Variants in AGGF1 observed in about 807,000 individuals in gnomAD.
The protein encoded by AGGF1 is angiogenic factor with G-patch and FHA domains 1.
A neutral mutation model predicts 86.5 loss-of-function variants in AGGF1; 56 were observed. The ratio of observed to expected loss-of-function variants is 0.65; its 90% confidence interval spans 0.52 to 0.81. The LOEUF is 0.81. Among genes scored for constraint, AGGF1 ranks in the 30% least tolerant of loss-of-function variants. The pLI, the probability that AGGF1 is intolerant of heterozygous loss-of-function variation, is 0.00. For missense variants in AGGF1, 816 were observed against 850.9 expected, an observed-to-expected ratio of 0.96 and a Z score of 0.51; for synonymous variants, 313 against 297.1, an observed-to-expected ratio of 1.05 and a Z score of -0.55.
intron 5 of AGGF1, among the ~76,000 whole-genome samples, chr5:77,046,111 A>G (rs1747242409): frequency 6.6e-6 from 1 of 152,214 alleles, no homozygotes; most frequent in African/African-American, 2.4e-5. Flanking sequence ...AATTTTATAT[A>G]TGGTTAAGGG....
At chr5:77,043,784 T>G (rs200352208) in intron 5 of AGGF1, among the ~76,000 whole-genome samples, 41,560 of 89,118 alleles carry the variant, frequency 0.47, 9,213 homozygotes, top group Admixed American at 0.5. Flanking sequence ...CTTCTCAGAG[T>G]GGGCAGCTGC....
chr5:77,051,153 G>T (rs1233634844), intron 8 of AGGF1, among the ~76,000 whole-genome samples: 1 of 152,178 alleles, frequency 6.6e-6, no homozygotes, highest in African/African-American at 2.4e-5. Context: ...AGTTTGGGGG[G>T]TTGGGCGCGG....
intron 9 of AGGF1, among the ~76,000 whole-genome samples, 195 bp from the exon 10 acceptor site, chr5:77,053,770 C>T (rs1027048908): frequency 6.6e-6 from 1 of 152,082 alleles, no homozygotes; most frequent in African/African-American, 2.4e-5. Flanking sequence ...CTATCTTCAT[C>T]TCCAATAGTA....
intron 8 of AGGF1, among the ~76,000 whole-genome samples, chr5:77,049,262 A>G (rs1747327753): frequency 1.3e-5 from 2 of 152,224 alleles, no homozygotes. Context: ...ATGAATATTT[A>G]TTGAGTGAAA....
chr5:77,037,837 CTAAAATATAATGGA>C (rs1746992903), intron 4 of AGGF1, among the ~76,000 whole-genome samples: 1 of 152,140 alleles, frequency 6.6e-6, no homozygotes, highest in African/African-American at 2.4e-5. Flanking sequence ...AATATGGGAT[CTAAAATATAATGGA>C]CCACTGACTA....
In AGGF1 at chr5:77,046,758, T is replaced by C. The variant is rs550538283; in HGVS notation, c.1201+81T>C. 2.3e-6 allele frequency: 3 copies of C among 1,287,016 alleles called. No individual in the cohort carries two copies. The African/African-American group carries it at 4.4e-5, about 19-fold the overall frequency. 79.7% of individuals were successfully genotyped at this position (1,287,016 alleles called of 1,614,324 possible). Reference sequence around the variant, plus strand: ...CAAAACCATTAAAAATGTTAGTGAGTTGTAGTATATCTGCCAGAAAGTAAA... The same window carrying C: ...CAAAACCATTAAAAATGTTAGTGAGCTGTAGTATATCTGCCAGAAAGTAAA... On this transcript the variant is annotated intron_variant, in intron 6 of 13. Coordinates refer to ENST00000312916, the MANE Select transcript of AGGF1 (RefSeq NM_018046.5).
At chr5:77,036,325 C>T (rs958811824) in intron 3 of AGGF1, among the ~76,000 whole-genome samples, 1 of 152,080 alleles carries the variant, frequency 6.6e-6, no homozygotes, top group African/African-American at 2.4e-5. Context: ...CATTTATTCT[C>T]GAATAATTGT....
chr5:77,045,402 C>T (rs1747227548), intron 5 of AGGF1, among the ~76,000 whole-genome samples: 2 of 152,074 alleles, frequency 1.3e-5, no homozygotes, highest in African/African-American at 4.8e-5. Flanking sequence ...ACATTGTGTA[C>T]GTATTTCAAA....
chr5:77,052,827 T>C lies in AGGF1; in HGVS notation c.1467+20T>C, dbSNP rs745772956. ...CTTCAGGTGAGTGTATATGTGTTAATTTGTTACCTGCACATTATTTTTAAA... is the reference window on the plus strand; with the variant it reads ...CTTCAGGTGAGTGTATATGTGTTAACTTGTTACCTGCACATTATTTTTAAA... On this transcript the variant is annotated intron_variant, in intron 9 of 13. Transcript: ENST00000312916. The C allele has an allele frequency of 1.3e-6, 2 of 1,540,094 alleles. No homozygotes were observed. Among genetic ancestry groups the C allele is most frequent in the East Asian group, 2.3e-5 (1 of 44,422 alleles).
chr5:77,033,767 T>TGTATTGACTGAGGCAGC (rs1746913813), intron 1 of AGGF1, among the ~76,000 whole-genome samples: 1 of 152,210 alleles, frequency 6.6e-6, no homozygotes, highest in Non-Finnish European at 1.5e-5. Context: ...CAGGCTGAGG[T>TGTATTGACTGAGGCAGC]GTATTGACTG....
intron 8 of AGGF1, among the ~76,000 whole-genome samples, chr5:77,051,432 C>CA (rs34184166): frequency 0.18 from 19,392 of 110,610 alleles, 1,350 homozygotes; most frequent in East Asian, 0.32. Context: ...GATTCCATCT[C>CA]AAAAAAAAAA....
chr5:77,058,475 G>A (rs1421093492), intron 11 of AGGF1, among the ~76,000 whole-genome samples: 3 of 152,026 alleles, frequency 2.0e-5, no homozygotes, highest in Admixed American at 6.6e-5. Flanking sequence ...GTTTTACTTA[G>A]GTAGAGAAAT....
chr5:77,033,148 C>A (rs551741603), intron 1 of AGGF1, among the ~76,000 whole-genome samples: 1 of 152,134 alleles, frequency 6.6e-6, no homozygotes, highest in Non-Finnish European at 1.5e-5. Flanking sequence ...AGTCAGCCTC[C>A]CTTGGTTGGG....
chr5:77,033,558 G>C (rs6861245), intron 1 of AGGF1, among the ~76,000 whole-genome samples: 18,712 of 152,204 alleles, frequency 0.12, 1,255 homozygotes, highest in East Asian at 0.28. Context: ...GTACTTGCAT[G>C]AATCAGAGGA....
chr5:77,045,196 A>G (rs1468337697), intron 5 of AGGF1, among the ~76,000 whole-genome samples: 1 of 152,168 alleles, frequency 6.6e-6, no homozygotes, highest in Non-Finnish European at 1.5e-5. Flanking sequence ...AAACCAAGGG[A>G]AAAAAATGGA....
chr5:77,036,543 A>G lies in AGGF1; in HGVS notation c.517-13A>G, dbSNP rs770707838. 1.8e-5 allele frequency: 29 copies of G among 1,613,812 alleles called. No homozygotes were observed. The highest frequency in any genetic ancestry group is 8.9e-5 in the East Asian group (4 of 44,884). Reference sequence around the variant, plus strand: ...AGCTTTTGTCTTATTTGGCATGACTATATCTTTTATAGGAGCCAGCATCTG... The same window carrying G: ...AGCTTTTGTCTTATTTGGCATGACTGTATCTTTTATAGGAGCCAGCATCTG... On this transcript the variant is annotated splice_polypyrimidine_tract_variant and intron_variant, in intron 3 of 13. Transcript: ENST00000312916.
intron 6 of AGGF1, among the ~76,000 whole-genome samples, chr5:77,047,757 A>T (rs1010095173): frequency 6.7e-6 from 1 of 148,484 alleles, no homozygotes; most frequent in African/African-American, 2.5e-5. Context: ...ACCTCAGGTG[A>T]TCTGCCTGCG....
intron 13 of AGGF1, 21 bp downstream of exon 13, chr5:77,061,823 TATTC>T: frequency 6.3e-7 from 1 of 1,589,940 alleles, no homozygotes; most frequent in Non-Finnish European, 8.6e-7. Flanking sequence ...GATTTTCTTT[TATTC>T]ATTTATTCCT....
chr5:77,039,714 G>A lies in AGGF1; in HGVS notation c.865G>A (p.Glu289Lys). The A allele has an allele frequency of 6.2e-7, 1 of 1,610,382 alleles. No homozygotes were observed. The highest frequency in any genetic ancestry group is 8.5e-7 in the Non-Finnish European group (1 of 1,177,942). The change falls in exon 5 of 14, where the codon GAA becomes AAA. Residue 289 changes from glutamate (E) to lysine (K), a missense_variant. Transcript: ENST00000312916. ...TCCAGATTCTTCTGCAACAAATGAG[G>A]AAAAGGTAATGTCTTTACAATTTTA... The part of the protein sequence containing the change: ...KDPDSSATNE[E>K]KDLNSEDQKA...
Sources: allele counts gnomAD v4.1 joint callset (sites outside exome capture counted in the v4.1 genomes callset), GRCh38; gene constraint gnomAD v4.1.1; transcripts MANE v1.5; gene names NCBI Gene and HGNC (gene_info 2026-07-23, HGNC 2026-07-21).